ZBTB40: variants seen among roughly 807,000 people sequenced by gnomAD.
ZBTB40 encodes zinc finger and BTB domain containing 40, also known as zinc finger and BTB domain-containing protein 40.
ZBTB40 carries 60 observed loss-of-function variants against 117.5 expected under a neutral mutation model. The observed-to-expected ratio is 0.51, with a 90% CI of 0.41 to 0.63. ZBTB40 has a LOEUF of 0.63. Ranked by LOEUF, ZBTB40 falls within the 30% of genes least tolerant of loss-of-function variation. ZBTB40 has a pLI of 0.00. For missense variants in ZBTB40, 1,287 were observed against 1,498.5 expected (o/e 0.86, Z 2.33); for synonymous variants, 525 against 577.1 (o/e 0.91, Z 1.29).
chr1:22,437,484 A>G (rs1640684824), intron 1 of ZBTB40, among the ~76,000 whole-genome samples: 1 of 150,684 alleles, frequency 6.6e-6, no homozygotes, highest in African/African-American at 2.4e-5. Context: ...GCAGTGGCAC[A>G]ATCTCAGCTC....
intron 1 of ZBTB40, among the ~76,000 whole-genome samples, chr1:22,439,162 G>A (rs1229661721): frequency 6.6e-6 from 1 of 152,154 alleles, no homozygotes; most frequent in African/African-American, 2.4e-5. Context: ...CACCATGCCT[G>A]GCCTGCGTCT....
chr1:22,475,662 T>A (rs933919601), intron 1 of ZBTB40, among the ~76,000 whole-genome samples: 3 of 152,192 alleles, frequency 2.0e-5, no homozygotes, highest in Admixed American at 2.0e-4. Flanking sequence ...TTTCTTCCTT[T>A]CCCTCTTCTT....
chr1:22,479,178 A>G (rs1255217749), intron 1 of ZBTB40, among the ~76,000 whole-genome samples: 2 of 152,212 alleles, frequency 1.3e-5, no homozygotes, highest in East Asian at 1.9e-4. Context: ...GTACCATTTA[A>G]TCACTTCCAC....
intron 5 of ZBTB40, among the ~76,000 whole-genome samples, chr1:22,505,137 A>G (rs368122350): frequency 1.4e-4 from 21 of 152,328 alleles, no homozygotes; most frequent in African/African-American, 4.8e-4. Context: ...AGCCTCTGGC[A>G]TACTACCATG....
intron 1 of ZBTB40, among the ~76,000 whole-genome samples, chr1:22,481,471 C>T (rs1638312038): frequency 1.3e-5 from 2 of 152,064 alleles, no homozygotes; most frequent in Middle Eastern, 3.4e-3. Flanking sequence ...TTCTTTTTAA[C>T]CTTGCCCAGT....
intron 5 of ZBTB40, among the ~76,000 whole-genome samples, chr1:22,504,225 T>C (rs566564472): frequency 6.6e-6 from 1 of 152,304 alleles, no homozygotes; most frequent in East Asian, 1.9e-4. Flanking sequence ...TTTTCAAACT[T>C]TTTTTCTGGT....
intron 1 of ZBTB40, among the ~76,000 whole-genome samples, chr1:22,446,584 G>C (rs965517206): frequency 1.3e-5 from 2 of 151,918 alleles, no homozygotes; most frequent in African/African-American, 4.8e-5. Flanking sequence ...ACTTCTCCAT[G>C]AAAGTTCTCC....
In ZBTB40 at chr1:22,490,759, G is replaced by A. The variant is rs568197683; in HGVS notation, c.697+114G>A. The stretch of plus-strand genomic sequence containing the variant: ...CTGTTAGGTAGAAAACCAAAATTCA[G>A]TGCAGTACCGTACTGGGCCATTCTT... On this transcript the variant is annotated intron_variant, in intron 2 of 17. Coordinates refer to ENST00000375647, the MANE Select transcript of ZBTB40 (RefSeq NM_014870.4). The A allele has an allele frequency of 1.2e-4, 142 of 1,177,632 alleles. No homozygotes were observed. In the African/African-American group the frequency reaches 1.9e-3, roughly 16 times the overall value. The allele number at this position is 1,177,632 out of a possible 1,614,324, so 72.9% of individuals were successfully genotyped here. A position where few individuals can be genotyped will look rare whatever the true frequency, so the allele number is the denominator to read the frequency against.
upstream of ZBTB40, among the ~76,000 whole-genome samples, chr1:22,447,808 C>T (rs140298224): frequency 2.6e-5 from 4 of 152,322 alleles, no homozygotes; most frequent in African/African-American, 9.6e-5. Flanking sequence ...ACAGCAGCCT[C>T]ATCTGAGACT....
chr1:22,435,886 T>C (rs146286481), intron 1 of ZBTB40, among the ~76,000 whole-genome samples: 7,725 of 150,150 alleles, frequency 0.051, 670 homozygotes, highest in African/African-American at 0.18. Context: ...CTGGCCAACA[T>C]AGTGAAACCC....
rs762726520 is a variant in ZBTB40, at chr1:22,506,036, C to A, written c.1168-13C>A. 6.2e-7 allele frequency: 1 copy of A among 1,614,090 alleles called. No homozygotes were observed. Among genetic ancestry groups the A allele is most frequent in the South Asian group, 1.1e-5 (1 of 91,084 alleles). On this transcript the variant is annotated splice_polypyrimidine_tract_variant and intron_variant, in intron 5 of 17. Transcript: ENST00000375647. ...CCAGTAACTGGTGTCTGGTTGATTG[C>A]TTGCCACTGCAGGTGATTCTGAATT...
intron 5 of ZBTB40, among the ~76,000 whole-genome samples, chr1:22,503,951 A>G (rs1639014545): frequency 6.6e-6 from 1 of 152,244 alleles, no homozygotes; most frequent in African/African-American, 2.4e-5. Context: ...GTCCAAACTC[A>G]GCTTCATTCT....
At chr1:22,435,651 T>A (rs1407114647) in intron 1 of ZBTB40, among the ~76,000 whole-genome samples, 1 of 152,156 alleles carries the variant, frequency 6.6e-6, no homozygotes, top group African/African-American at 2.4e-5. Context: ...CACCAGGGTT[T>A]CCCAATGAAG....
rs184900323 is a variant in ZBTB40 at position 22,491,383 on chromosome 1, T to G, written c.698-17T>G. On this transcript the variant is annotated splice_polypyrimidine_tract_variant and intron_variant, in intron 2 of 17. Transcript: ENST00000375647. ...AGTAATGAATTTCTGATTTGTTTTA[T>G]TTTGTTCTACATTTAGGATGTGAAA... is the stretch of plus-strand genomic sequence containing the variant. 6.2e-7 allele frequency: 1 copy of G among 1,613,282 alleles called. No individual in the cohort carries two copies. Among genetic ancestry groups the G allele is most frequent in the East Asian group, 2.2e-5 (1 of 44,826 alleles).
chr1:22,514,352 A>G (rs1017184591), intron 12 of ZBTB40, among the ~76,000 whole-genome samples: 3 of 152,162 alleles, frequency 2.0e-5, no homozygotes, highest in African/African-American at 7.2e-5. Context: ...CTCTGCTCCA[A>G]ATTCTTCAAT....
At chr1:22,507,013 C>T (rs571138192) in intron 6 of ZBTB40, among the ~76,000 whole-genome samples, 116 of 152,292 alleles carry the variant, frequency 7.6e-4, no homozygotes, top group South Asian at 2.5e-3. Flanking sequence ...AAAAACTCCC[C>T]ACAATCCTAG....
chr1:22,493,000 G>T (rs1638673801), intron 3 of ZBTB40, among the ~76,000 whole-genome samples: 1 of 152,134 alleles, frequency 6.6e-6, no homozygotes, highest in Non-Finnish European at 1.5e-5. Context: ...TTATTCCTTA[G>T]ATCAGCAATA....
intron 11 of ZBTB40, 87 bp downstream of exon 11, chr1:22,512,221 T>A: frequency 6.9e-7 from 1 of 1,439,720 alleles, no homozygotes; most frequent in Non-Finnish European, 9.6e-7. Flanking sequence ...TTGTGTGCAG[T>A]GAGGGCTGTG....
In ZBTB40 at chr1:22,520,117, G is replaced by A; in HGVS notation, c.2890G>A (p.Asp964Asn). 1 of 1,614,134 alleles carries A rather than the reference G, an allele frequency of 6.2e-7. No homozygotes were observed. Among genetic ancestry groups the A allele is most frequent in the Non-Finnish European group, 8.5e-7 (1 of 1,180,016 alleles). Reference protein sequence around the residue: ...KCRMSFPTLQDHRKHIHEVHS... With the variant: ...KCRMSFPTLQNHRKHIHEVHS... ...CAGGATGAGTTTCCCCACTCTTCAG[G>A]ATCACCGGAAGCACATCCATGAGGT... The change falls in exon 14 of 18, where the codon GAT becomes AAT. Residue 964 changes from aspartate (D) to asparagine (N), a missense_variant. Coordinates refer to ENST00000375647, the MANE Select transcript of ZBTB40 (RefSeq NM_014870.4).
Sources: gnomAD v4.1 joint callset for allele counts (sites outside exome capture counted in the v4.1 genomes callset) on GRCh38, gnomAD v4.1.1 for gene constraint, MANE v1.5 for transcripts, NCBI Gene and HGNC (gene_info 2026-07-23, HGNC 2026-07-21) for gene names.